SLC27A6: variants seen among roughly 807,000 people sequenced by gnomAD.
SLC27A6 encodes the protein long-chain fatty acid transport protein 6.
In SLC27A6, 74 loss-of-function variants were observed where a neutral mutation model predicts 63.9. The observed-to-expected ratio is 1.16, with a 90% confidence interval of 0.96 to 1.40. The LOEUF (loss-of-function observed/expected upper bound fraction) is 1.40, where lower values mean the gene tolerates loss of function less well. Ranked by LOEUF, SLC27A6 falls within the 40% of genes most tolerant of loss-of-function variation. The pLI is 0.00. For synonymous variants in SLC27A6, 287 were observed against 260.8 expected (o/e 1.10, Z -0.97); for missense variants, 794 against 732.9 (o/e 1.08, Z -0.96).
chr5:128,979,334 C>G (rs1750502427), intron 1 of SLC27A6, among the ~76,000 whole-genome samples: 1 of 151,848 alleles, frequency 6.6e-6, no homozygotes, highest in African/African-American at 2.4e-5. Context: ...TTGGAATGCT[C>G]TCAGACACAA....
chr5:128,990,025 A>G (rs1027398251), intron 3 of SLC27A6, among the ~76,000 whole-genome samples: 17 of 152,064 alleles, frequency 1.1e-4, no homozygotes, highest in African/African-American at 2.9e-4. Flanking sequence ...CTTGGCTTCT[A>G]TGAAGAAGGA....
chr5:128,971,708 CTT>C (rs1357878993), intron 1 of SLC27A6, among the ~76,000 whole-genome samples: 3 of 152,086 alleles, frequency 2.0e-5, no homozygotes, highest in East Asian at 1.9e-4. Flanking sequence ...GGTCTTGACT[CTT>C]TATCCAATTT....
chr5:128,999,200 G>C (rs564114295), intron 4 of SLC27A6, among the ~76,000 whole-genome samples: 1 of 152,132 alleles, frequency 6.6e-6, no homozygotes, highest in Non-Finnish European at 1.5e-5. Context: ...GTGCTCTCTG[G>C]AAGAAGCTTC....
chr5:128,969,087 T>C (rs1036389916), intron 1 of SLC27A6, among the ~76,000 whole-genome samples: 3 of 152,174 alleles, frequency 2.0e-5, no homozygotes, highest in African/African-American at 7.2e-5. Context: ...TGTGTGGTAT[T>C]ATTTCTGAGG....
At chr5:129,032,151 T>C (rs910380516) in intron 9 of SLC27A6, among the ~76,000 whole-genome samples, 1 of 152,006 alleles carries the variant, frequency 6.6e-6, no homozygotes, top group Non-Finnish European at 1.5e-5. Flanking sequence ...CTTTAATGTC[T>C]CATAGCACTC....
intron 4 of SLC27A6, among the ~76,000 whole-genome samples, chr5:129,000,154 C>G (rs1015261274): frequency 2.6e-5 from 4 of 152,108 alleles, no homozygotes; most frequent in Non-Finnish European, 5.9e-5. Flanking sequence ...TGAGCAGTCA[C>G]GCATGAAGAA....
At chr5:128,998,617 T>C (rs1751235745) in intron 4 of SLC27A6, among the ~76,000 whole-genome samples, 1 of 152,168 alleles carries the variant, frequency 6.6e-6, no homozygotes, top group South Asian at 2.1e-4. Flanking sequence ...TCTTAGATTA[T>C]GTATTCTTAT....
At chr5:128,988,793 A>T in intron 3 of SLC27A6, 35 bp downstream of exon 3, 3 of 1,528,762 alleles carry the variant, frequency 2.0e-6, no homozygotes, top group Non-Finnish European at 2.7e-6. Flanking sequence ...AAGTTTTCAA[A>T]ATGTCTAATA....
intron 4 of SLC27A6, among the ~76,000 whole-genome samples, chr5:129,000,154 C>T (rs1015261274): frequency 7.9e-5 from 12 of 152,108 alleles, no homozygotes; most frequent in African/African-American, 1.7e-4. Context: ...TGAGCAGTCA[C>T]GCATGAAGAA....
intron 4 of SLC27A6, among the ~76,000 whole-genome samples, chr5:129,005,715 C>T (rs1281477019): frequency 2.7e-5 from 4 of 150,062 alleles, no homozygotes; most frequent in Admixed American, 1.3e-4. Context: ...TGGGTTCACG[C>T]CATTCTCCTG....
rs2150124135 is a variant in SLC27A6, at chr5:128,966,505, T to A, written c.368T>A (p.Phe123Tyr). ...SNEPDFVHVWFGLAKLGCVVA... is the reference protein window; with the variant it reads ...SNEPDFVHVWYGLAKLGCVVA... ...GAGCCGGACTTCGTTCACGTGTGGTTCGGCCTCGCCAAGCTGGGCTGCGTG... is the reference window on the plus strand; with the variant it reads ...GAGCCGGACTTCGTTCACGTGTGGTACGGCCTCGCCAAGCTGGGCTGCGTG... The change falls in exon 1 of 10, where the codon TTC becomes TAC. Residue 123 changes from phenylalanine to tyrosine, a missense_variant. Physicochemically the swap from Phe to Tyr is conservative, Grantham distance 22 (BLOSUM62 3). Transcript: ENST00000262462. The A allele has an allele frequency of 6.2e-7, 1 of 1,607,760 alleles. No homozygotes were observed. The highest frequency in any genetic ancestry group is 8.5e-7 in the Non-Finnish European group (1 of 1,177,414).
At chr5:128,990,106 T>C (rs1262390465) in intron 3 of SLC27A6, among the ~76,000 whole-genome samples, 1 of 152,214 alleles carries the variant, frequency 6.6e-6, no homozygotes, top group East Asian at 1.9e-4. Flanking sequence ...TTTTCTCCTG[T>C]GTATTGCAAA....
intron 4 of SLC27A6, among the ~76,000 whole-genome samples, chr5:129,000,971 G>A (rs1426827043): frequency 6.6e-6 from 1 of 152,144 alleles, no homozygotes; most frequent in African/African-American, 2.4e-5. Context: ...ATTATGTCTG[G>A]AAAATGAGTT....
intron 4 of SLC27A6, among the ~76,000 whole-genome samples, chr5:129,005,258 A>T (rs1267161229): frequency 6.6e-6 from 1 of 152,180 alleles, no homozygotes; most frequent in Non-Finnish European, 1.5e-5. Flanking sequence ...TCCACTACAA[A>T]TATTAACTCC....
chr5:128,970,057 G>A (rs1263436136), intron 1 of SLC27A6, among the ~76,000 whole-genome samples: 1 of 151,080 alleles, frequency 6.6e-6, no homozygotes, highest in African/African-American at 2.4e-5. Flanking sequence ...TTTATATGCT[G>A]GATTACGTTT....
At chr5:129,002,934 C>T (rs1049765579) in intron 4 of SLC27A6, among the ~76,000 whole-genome samples, 1 of 152,198 alleles carries the variant, frequency 6.6e-6, no homozygotes, top group Non-Finnish European at 1.5e-5. Flanking sequence ...TATTTGTCCT[C>T]TTTCTTGCTG....
At chr5:129,025,579 A>G (rs185009906) in intron 6 of SLC27A6, among the ~76,000 whole-genome samples, 1 of 152,222 alleles carries the variant, frequency 6.6e-6, no homozygotes, top group Admixed American at 6.5e-5. Flanking sequence ...GTTTGTGATG[A>G]GAATTAAATG....
At chr5:129,025,006 G>A (rs1752188434) in intron 6 of SLC27A6, among the ~76,000 whole-genome samples, 1 of 152,128 alleles carries the variant, frequency 6.6e-6, no homozygotes, top group East Asian at 1.9e-4. Flanking sequence ...AATAATTTCT[G>A]AGCAGAGTGC....
At chr5:128,994,140 C>G (rs1384165633) in intron 4 of SLC27A6, among the ~76,000 whole-genome samples, 1 of 151,728 alleles carries the variant, frequency 6.6e-6, no homozygotes, top group Admixed American at 6.6e-5. Context: ...GCACTCCAGC[C>G]TGGGTGACAG....
Sources: gnomAD v4.1 joint callset for allele counts (sites outside exome capture counted in the v4.1 genomes callset) on GRCh38, gnomAD v4.1.1 for gene constraint, MANE v1.5 for transcripts, NCBI Gene and HGNC (gene_info 2026-07-23, HGNC 2026-07-21) for gene names.